SNURF: variants seen among roughly 807,000 people sequenced by gnomAD.
SNURF encodes SNURF protein.
A neutral mutation model predicts 11.6 loss-of-function variants in SNURF; 6 were observed. The observed-to-expected ratio is 0.52, with a 90% CI of 0.28 to 1.02. The LOEUF is 1.02. Among genes scored for constraint, SNURF ranks in the 50% least tolerant of loss-of-function variants. The pLI is 0.09. For missense variants in SNURF, 84 were observed against 88.4 expected, an observed-to-expected ratio of 0.95 and a Z score of 0.20; for synonymous variants, 29 against 31.6, an observed-to-expected ratio of 0.92 and a Z score of 0.27.
chr15:24,978,171 T>C (rs778326272), downstream of SNURF: 17 of 1,607,286 alleles, frequency 1.1e-5, no homozygotes, highest in South Asian at 1.9e-4. Flanking sequence ...GAGGCCTTTA[T>C]TTCTACCATT....
chr15:24,974,611 G>A lies in SNURF; in HGVS notation c.*46-747G>A, dbSNP rs1296684212. 104 of 766,688 alleles carry A rather than the reference G, an allele frequency of 1.4e-4. No individual in the cohort carries two copies. In the East Asian group the frequency reaches 1.6e-3, roughly 12 times the overall value. 47.5% of individuals were successfully genotyped at this position (766,688 alleles called of 1,614,324 possible). A position where few individuals can be genotyped will look rare whatever the true frequency, so the allele number is the denominator to read the frequency against. The stretch of plus-strand genomic sequence containing the variant: ...ATTGCATTGAGTATCAGCTGAAGAT[G>A]AGCTGATTTTTTTATTTTTATTTTT... On this transcript the variant is annotated intron_variant and NMD_transcript_variant, in intron 3 of 6. Transcript: ENST00000580062.
exon 6 of SNURF, chr15:24,976,887 C>A: frequency 6.2e-7 from 1 of 1,608,016 alleles, no homozygotes; most frequent in Non-Finnish European, 8.5e-7. Context: ...ACTGGCATTG[C>A]TCGGGTACCA....
At chr15:24,962,786 T>G (rs1450271624) in intron 2 of SNURF, among the ~76,000 whole-genome samples, 2 of 152,216 alleles carry the variant, frequency 1.3e-5, no homozygotes, top group Non-Finnish European at 2.9e-5. Flanking sequence ...ACCTAATACA[T>G]ATTTAGTCCA....
chr15:24,966,489 A>G (rs1323732722), intron 2 of SNURF, among the ~76,000 whole-genome samples: 1 of 152,110 alleles, frequency 6.6e-6, no homozygotes, highest in East Asian at 1.9e-4. Flanking sequence ...ATGTCACTGA[A>G]TTCAGTCAGC....
chr15:24,957,993 G>A (rs1197568471), intron 1 of SNURF, among the ~76,000 whole-genome samples: 2 of 152,124 alleles, frequency 1.3e-5, no homozygotes, highest in African/African-American at 2.4e-5. Flanking sequence ...TTCCTGTGAT[G>A]CAGAGGAAGG....
Position 24,955,077 on chromosome 15 carries a change from T to C in SNURF, c.14+15T>C, listed in dbSNP as rs190964505. 1.2e-6 allele frequency: 2 copies of C among 1,613,592 alleles called. No individual in the cohort carries two copies. Among genetic ancestry groups the C allele is most frequent in the East Asian group, 4.5e-5 (2 of 44,880 alleles). On this transcript the variant is annotated intron_variant, in intron 1 of 2. Transcript: ENST00000577949. The stretch of plus-strand genomic sequence containing the variant: ...GAGCGGGCAAGGTCAGCTGTGCCGG[T>C]GGCTTCTCTCAAGAGACAGCCTGGG...
chr15:24,974,857 C>T, intron 3 of SNURF: 2 of 697,526 alleles, frequency 2.9e-6, no homozygotes, highest in Non-Finnish European at 5.2e-6. Flanking sequence ...AGCCACTGTG[C>T]CTGGCCATGA....
rs71127030 is a variant in SNURF at position 24,958,486 on chromosome 15, G to GTTTTTTTTT, written c.14+3450_14+3458dup. Among the ~76,000 whole-genome samples the GTTTTTTTTT allele has an allele frequency of 3.8e-4, 25 of 65,298 alleles. 1 individual carries two copies. The highest frequency in any genetic ancestry group is 1.0e-3 in the South Asian group (1 of 992). The allele number at this position is 65,298 out of a possible 152,430, so 42.8% of individuals were successfully genotyped here. A position where few individuals can be genotyped will look rare whatever the true frequency, so the allele number is the denominator to read the frequency against. On this transcript the variant is annotated intron_variant, in intron 1 of 2. Transcript: ENST00000577949. ...ATTTCTGGATGCTAGCTGGCTCAAA[G>GTTTTTTTTT]TTTTTTTTTTTTTTTTTTTTTTTTT...
intron 2 of SNURF, 51 bp downstream of exon 2, chr15:24,962,260 A>T: frequency 1.4e-6 from 2 of 1,447,874 alleles, no homozygotes; most frequent in Non-Finnish European, 1.9e-6. Flanking sequence ...CTCCTTTCAG[A>T]TTAGAACAAA....
chr15:24,960,666 A>G (rs754751357), intron 1 of SNURF, among the ~76,000 whole-genome samples: 3 of 152,172 alleles, frequency 2.0e-5, no homozygotes, highest in Non-Finnish European at 4.4e-5. Flanking sequence ...TAGATTAGCC[A>G]CTTGTATGTG....
intron 2 of SNURF, among the ~76,000 whole-genome samples, chr15:24,962,527 A>G (rs2074993979): frequency 3.9e-5 from 6 of 152,228 alleles, no homozygotes; most frequent in Admixed American, 3.9e-4. Flanking sequence ...GTATGCTTGC[A>G]AAATGTACTG....
rs181328494 is a variant in SNURF, at chr15:24,974,723, G to A, written c.*46-635G>A. On this transcript the variant is annotated intron_variant and NMD_transcript_variant, in intron 3 of 6. Transcript: ENST00000580062. ...GCAACCCTGGGTTCAAGAGATTCTCGTGCCTCAGCCTCTTTATTAGAAACA... is the reference window on the plus strand; with the variant it reads ...GCAACCCTGGGTTCAAGAGATTCTCATGCCTCAGCCTCTTTATTAGAAACA... 7.1e-5 allele frequency: 43 copies of A among 606,142 alleles called. No homozygotes were observed. In the East Asian group the frequency reaches 1.0e-3, roughly 15 times the overall value. 37.5% of individuals were successfully genotyped at this position (606,142 alleles called of 1,614,324 possible). A position where few individuals can be genotyped will look rare whatever the true frequency, so the allele number is the denominator to read the frequency against.
At chr15:24,970,234 C>T (rs759891468), downstream of SNURF, among the ~76,000 whole-genome samples, 7 of 152,010 alleles carry the variant, frequency 4.6e-5, no homozygotes, top group African/African-American at 1.2e-4. Flanking sequence ...ACTTCGTACC[C>T]GTTTTCATTA....
chr15:24,973,801 A>T (rs1440197314), downstream of SNURF, among the ~76,000 whole-genome samples: 2 of 152,208 alleles, frequency 1.3e-5, no homozygotes, highest in African/African-American at 4.8e-5. Flanking sequence ...CTCTTTTGAC[A>T]TGGGAAGTCT....
intron 1 of SNURF, among the ~76,000 whole-genome samples, chr15:24,958,486 GTTTTTTTTTTTTTTTTTTTTT>G (rs71127030): frequency 3.1e-5 from 2 of 65,284 alleles, no homozygotes; most frequent in African/African-American, 1.1e-4. Flanking sequence ...CTGGCTCAAA[GTTTTTTTTTTTTTTTTTTTTT>G]TTTTTTTTTT....
At chr15:24,978,065 T>C (rs2077266736), downstream of SNURF, 2 of 1,194,006 alleles carry the variant, frequency 1.7e-6, no homozygotes. Flanking sequence ...AGAAGAGTAA[T>C]TGTCATATAG....
chr15:24,976,805 G>C (rs1254690923), intron 5 of SNURF: 2 of 1,359,712 alleles, frequency 1.5e-6, no homozygotes, highest in African/African-American at 1.5e-5. Context: ...GGAGAGAAGT[G>C]ATCTCTGATG....
At chr15:24,961,680 G>A (rs570919999) in intron 1 of SNURF, among the ~76,000 whole-genome samples, 3 of 152,084 alleles carry the variant, frequency 2.0e-5, no homozygotes, top group East Asian at 1.9e-4. Context: ...TTTAAACTAT[G>A]TTCTATTCCA....
At chr15:24,968,682 A>G (rs1165432134), downstream of SNURF, 4 of 152,364 alleles carry the variant, frequency 2.6e-5, no homozygotes, top group Non-Finnish European at 5.9e-5. Flanking sequence ...ATAATTAACA[A>G]TGAGTATTAG....
Sources: gnomAD v4.1 joint callset for allele counts (sites outside exome capture counted in the v4.1 genomes callset) on GRCh38, gnomAD v4.1.1 for gene constraint, MANE v1.5 for transcripts, NCBI Gene and HGNC (gene_info 2026-07-23, HGNC 2026-07-21) for gene names.